The following UTRN variants were observed in gnomAD, a reference collection of about 807,000 sequenced individuals.
UTRN encodes utrophin.
Under a neutral mutation model 463.9 loss-of-function variants are expected in UTRN, and 283 were observed. The observed-to-expected ratio is 0.61, with a 90% confidence interval of 0.55 to 0.67. UTRN has a LOEUF of 0.67. UTRN is among the 30% of genes least tolerant of loss of function. UTRN has a pLI of 0.00. For missense variants in UTRN, 3,922 were observed against 4,084.3 expected (o/e 0.96, Z 1.08); for synonymous variants, 1,442 against 1,431.5 (o/e 1.01, Z -0.17).
At chr6:144,688,218 G>A (rs1293586809) in intron 52 of UTRN, among the ~76,000 whole-genome samples, 2 of 151,996 alleles carry the variant, frequency 1.3e-5, no homozygotes, top group African/African-American at 4.8e-5. Flanking sequence ...TCCATTTCCA[G>A]AAGTTCTGTT....
chr6:144,822,299 A>C (rs9497093), intron 66 of UTRN, among the ~76,000 whole-genome samples: 47,213 of 151,964 alleles, frequency 0.31, 7,867 homozygotes, highest in Admixed American at 0.45. Context: ...AGAAGAAAGA[A>C]CACAGCCAAA....
At chr6:144,734,387 G>A (rs1194405074) in intron 54 of UTRN, among the ~76,000 whole-genome samples, 1 of 152,160 alleles carries the variant, frequency 6.6e-6, no homozygotes. Context: ...TTTTTAAGAT[G>A]AAATGGAAAT....
rs553180583 is a variant in UTRN at position 144,369,057 on chromosome 6, T to G, written c.80-34066T>G. ...TGAGAGGTCTTTAAAAAAATTGATG[T>G]GGAGGTTATAGAATTTCTGCCTGTG... is the stretch of plus-strand genomic sequence containing the variant. On this transcript the variant is annotated intron_variant, in intron 2 of 74. Coordinates refer to ENST00000367545, the MANE Select transcript of UTRN (RefSeq NM_007124.3). 1.0e-3 allele frequency among the ~76,000 whole-genome samples: 158 copies of G among 152,374 alleles called. 1 individual carries two copies. Among genetic ancestry groups the G allele is most frequent in the Non-Finnish European group, 9.8e-4 (67 of 68,048 alleles).
Position 144,402,507 on chromosome 6 carries a change from A to G in UTRN, c.80-616A>G, listed in dbSNP as rs546608476. ...TTTATGGCTCAGAAAATGAATTTGT[A>G]ATCAAAACCAAAACGGATAATGGTT... On this transcript the variant is annotated intron_variant, in intron 2 of 74. Coordinates refer to ENST00000367545, the MANE Select transcript of UTRN (RefSeq NM_007124.3). Among the ~76,000 whole-genome samples, 9 of 152,290 alleles carry G rather than the reference A, an allele frequency of 5.9e-5. No individual in the cohort carries two copies. The South Asian group carries it at 1.7e-3, about 28-fold the overall frequency.
chr6:144,533,186 C>T lies in UTRN; in HGVS notation c.6159C>T (p.Phe2053=). The change falls in exon 43 of 75, where the codon TTC becomes TTT. Residue 2053 remains phenylalanine, a synonymous_variant. Transcript: ENST00000367545. Reference sequence around the variant, plus strand: ...AACTCTCCCAGGCAGATGGAAGCTTCTTGAAAGAAAAACTGGCAGGTTTAA... The same window carrying T: ...AACTCTCCCAGGCAGATGGAAGCTTTTTGAAAGAAAAACTGGCAGGTTTAA... ...VQKLSQADGS[F]LKEKLAGLNQ... 1 of 1,614,084 alleles carries T rather than the reference C, an allele frequency of 6.2e-7. No individual in the cohort carries two copies. Among genetic ancestry groups the T allele is most frequent in the Non-Finnish European group, 8.5e-7 (1 of 1,180,000 alleles).
intron 25 of UTRN, 52 bp downstream of exon 25, chr6:144,474,811 C>A: frequency 6.4e-7 from 1 of 1,563,086 alleles, no homozygotes; most frequent in South Asian, 1.2e-5. Context: ...TAGACTGTAG[C>A]TTCTCTCAGC....
chr6:144,691,181 A>T (rs57644975), intron 52 of UTRN, among the ~76,000 whole-genome samples: 5,204 of 152,252 alleles, frequency 0.034, 111 homozygotes, highest in African/African-American at 0.044. Context: ...CGATGGTGCA[A>T]TCTTGGCTCA....
chr6:144,464,872 G>A (rs1399428851), intron 23 of UTRN, among the ~76,000 whole-genome samples: 1 of 152,142 alleles, frequency 6.6e-6, no homozygotes, highest in Non-Finnish European at 1.5e-5. Flanking sequence ...TTCAAAATGA[G>A]CATTGGCCTT....
chr6:144,839,264 GC>G lies in UTRN; in HGVS notation c.10160del (p.Pro3387HisfsTer58). The G allele has an allele frequency of 6.2e-7, 1 of 1,613,618 alleles. No individual in the cohort carries two copies. Among genetic ancestry groups the G allele is most frequent in the South Asian group, 1.1e-5 (1 of 91,032 alleles). ...LSYSLDPDAS[G>X]PQFHQAAGED... The stretch of plus-strand genomic sequence containing the variant: ...TACTCGCTTGATCCAGATGCCTCCG[GC>G]CCACAGTTCCACCAGGCAGGTCGGT... On this transcript the variant is annotated frameshift_variant, in exon 72 of 75. Coordinates refer to ENST00000367545, the MANE Select transcript of UTRN (RefSeq NM_007124.3). LOFTEE classifies it high-confidence loss of function.
intron 51 of UTRN, among the ~76,000 whole-genome samples, chr6:144,616,037 G>A (rs1806050657): frequency 6.6e-6 from 1 of 151,952 alleles, no homozygotes; most frequent in Non-Finnish European, 1.5e-5. Flanking sequence ...CCTACCACAG[G>A]ACCTTTGCAC....
intron 3 of UTRN, among the ~76,000 whole-genome samples, chr6:144,415,834 G>A (rs1784313743): frequency 6.6e-6 from 1 of 152,184 alleles, no homozygotes; most frequent in Non-Finnish European, 1.5e-5. Context: ...TTGGGCTAGA[G>A]TTGACACAAT....
At chr6:144,493,225 T>C in intron 32 of UTRN, 76 bp from the exon 33 acceptor site, 1 of 1,441,770 alleles carries the variant, frequency 6.9e-7, no homozygotes, top group Non-Finnish European at 9.6e-7. Flanking sequence ...CTGTGTAAGC[T>C]GTGGTCTGAC....
At chr6:144,339,664 G>A (rs1004865516) in intron 2 of UTRN, among the ~76,000 whole-genome samples, 8 of 152,108 alleles carry the variant, frequency 5.3e-5, no homozygotes, top group African/African-American at 1.9e-4. Context: ...TATCATTCAT[G>A]ATGCTTTTAG....
intron 51 of UTRN, among the ~76,000 whole-genome samples, chr6:144,587,016 T>A (rs1256649048): frequency 6.6e-6 from 1 of 152,214 alleles, no homozygotes; most frequent in African/African-American, 2.4e-5. Flanking sequence ...ATTTAAAAAT[T>A]ATACATATAT....
intron 51 of UTRN, 65 bp from the exon 52 acceptor site, chr6:144,678,341 T>A: frequency 6.8e-7 from 1 of 1,475,644 alleles, no homozygotes; most frequent in South Asian, 1.4e-5. Flanking sequence ...GAGCAACTCA[T>A]CTGTGAATAT....
At chr6:144,428,456 G>A (rs1244490551) in intron 7 of UTRN, among the ~76,000 whole-genome samples, 1 of 108,090 alleles carries the variant, frequency 9.3e-6, no homozygotes, top group African/African-American at 4.0e-5. Context: ...ATCTCTTTTT[G>A]TATCGGTAGG....
chr6:144,425,480 A>T (rs561347502), intron 6 of UTRN, among the ~76,000 whole-genome samples: 28 of 152,228 alleles, frequency 1.8e-4, no homozygotes, highest in Non-Finnish European at 3.7e-4. Flanking sequence ...GCACCCGTTC[A>T]TAATTTTTGC....
chr6:144,469,017 G>A (rs1790232886), intron 23 of UTRN, among the ~76,000 whole-genome samples: 1 of 152,170 alleles, frequency 6.6e-6, no homozygotes, highest in African/African-American at 2.4e-5. Flanking sequence ...AGGTGGAAAC[G>A]CCGAGTGAAT....
Position 144,521,938 on chromosome 6 carries a change from T to G in UTRN, c.5542-42T>G, listed in dbSNP as rs573327513. ...TTCATTGTGGGGGTATTTTAAGAGA[T>G]ATATATATATATATATATTTTTTTT... is the stretch of plus-strand genomic sequence containing the variant. On this transcript the variant is annotated intron_variant, in intron 39 of 74. Transcript: ENST00000367545. 7.1e-4 allele frequency: 518 copies of G among 734,024 alleles called. 1 individual carries two copies. The highest frequency in any genetic ancestry group is 4.4e-3 in the East Asian group (97 of 22,014). 45.5% of individuals were successfully genotyped at this position (734,024 alleles called of 1,614,324 possible). A position where few individuals can be genotyped will look rare whatever the true frequency, so the allele number is the denominator to read the frequency against.
Sources: allele counts gnomAD v4.1 joint callset (sites outside exome capture counted in the v4.1 genomes callset), GRCh38; gene constraint gnomAD v4.1.1; transcripts MANE v1.5; gene names NCBI Gene and HGNC (gene_info 2026-07-23, HGNC 2026-07-21).